Variants in LRRTM4 observed in about 807,000 individuals in gnomAD.
LRRTM4 encodes leucine-rich repeat transmembrane neuronal protein 4.
In LRRTM4, 25 loss-of-function variants were observed where a neutral mutation model predicts 47.6. The ratio of observed to expected loss-of-function variants is 0.53; its 90% CI spans 0.38 to 0.73. The LOEUF (loss-of-function observed/expected upper bound fraction) is 0.73. Among genes scored for constraint, LRRTM4 ranks in the 30% least tolerant of loss-of-function variants. The pLI, the probability that LRRTM4 is intolerant of heterozygous loss-of-function variation, is 0.00. For missense variants in LRRTM4, 638 were observed against 713.4 expected (o/e 0.89, Z 1.20); for synonymous variants, 311 against 269.5 (o/e 1.15, Z -1.51).
intron 3 of LRRTM4, among the ~76,000 whole-genome samples, chr2:76,798,151 T>G (rs1036392301): frequency 6.6e-6 from 1 of 152,082 alleles, no homozygotes; most frequent in Non-Finnish European, 1.5e-5. Context: ...ATATACATTT[T>G]TTTCAGCACC....
intron 3 of LRRTM4, among the ~76,000 whole-genome samples, chr2:76,929,154 C>A (rs1025939103): frequency 6.6e-6 from 1 of 152,066 alleles, no homozygotes; most frequent in African/African-American, 2.4e-5. Flanking sequence ...AGCTCTGGAG[C>A]GCTTCAAGGA....
chr2:77,151,091 G>A (rs979534709), intron 3 of LRRTM4, among the ~76,000 whole-genome samples: 1 of 151,852 alleles, frequency 6.6e-6, no homozygotes. Flanking sequence ...CCACAATCAA[G>A]GTAATAGACT....
intron 3 of LRRTM4, among the ~76,000 whole-genome samples, chr2:77,014,503 C>CATATATATATATATATTATATATAT (rs71381251): frequency 7.2e-6 from 1 of 139,058 alleles, no homozygotes; most frequent in Admixed American, 7.7e-5. Context: ...TGTGCCCTTT[C>CATATATATATATATATTATATATAT]ATATATATAT....
At chr2:76,918,070 T>C (rs1475570444) in intron 3 of LRRTM4, among the ~76,000 whole-genome samples, 1 of 152,198 alleles carries the variant, frequency 6.6e-6, no homozygotes, top group Non-Finnish European at 1.5e-5. Context: ...TTTAAGGTAG[T>C]AGTTGCTTTT....
At chr2:76,817,284 G>C (rs958737960) in intron 3 of LRRTM4, among the ~76,000 whole-genome samples, 2 of 151,636 alleles carry the variant, frequency 1.3e-5, no homozygotes, top group African/African-American at 4.9e-5. Flanking sequence ...GATATGTCAT[G>C]GGTAATATGA....
chr2:77,166,487 C>T lies in LRRTM4; in HGVS notation c.1551+351831G>A, dbSNP rs144523425. On this transcript the variant is annotated intron_variant, in intron 3 of 3. Coordinates refer to ENST00000409884, the MANE Select transcript of LRRTM4 (RefSeq NM_001134745.3). The stretch of plus-strand genomic sequence containing the variant: ...GTTCATATGGAAGCAAAAAAGAGCC[C>T]GCATTGCCAAGACAATACTAAGCCA... Among the ~76,000 whole-genome samples, 405 of 152,152 alleles carry T rather than the reference C, an allele frequency of 2.7e-3. 2 individuals are homozygous for T. The highest frequency in any genetic ancestry group is 8.8e-3 in the African/African-American group (364 of 41,512).
rs1314274489 is a variant in LRRTM4 at position 76,907,778 on chromosome 2, C to T, written c.1552-158862G>A. Among the ~76,000 whole-genome samples, 47 of 131,414 alleles carry T rather than the reference C, an allele frequency of 3.6e-4. 4 individuals are homozygous for T. The highest frequency in any genetic ancestry group is 3.4e-3 in the Admixed American group (43 of 12,598). The allele number at this position is 131,414 out of a possible 152,430, so 86.2% of individuals were successfully genotyped here. ...TAAATTCCTCGACACATACACTCTC[C>T]CAAGACTAAACCAGGAAGAAGTTGA... On this transcript the variant is annotated intron_variant, in intron 3 of 3. Transcript: ENST00000409884.
intron 3 of LRRTM4, among the ~76,000 whole-genome samples, chr2:76,853,017 A>C (rs549782563): frequency 1.3e-5 from 2 of 152,264 alleles, no homozygotes; most frequent in South Asian, 2.1e-4. Flanking sequence ...TGTGTACTAG[A>C]GCAGGTAGAA....
intron 3 of LRRTM4, among the ~76,000 whole-genome samples, chr2:77,233,504 A>G (rs1675022388): frequency 6.6e-6 from 1 of 152,028 alleles, no homozygotes; most frequent in Non-Finnish European, 1.5e-5. Flanking sequence ...TATTATTTTG[A>G]TGTTTTTATT....
At chr2:76,835,636 A>T (rs1671487388) in intron 3 of LRRTM4, among the ~76,000 whole-genome samples, 1 of 152,084 alleles carries the variant, frequency 6.6e-6, no homozygotes, top group African/African-American at 2.4e-5. Flanking sequence ...TGTTTTCCTG[A>T]AAGAAAGCTC....
chr2:77,513,049 A>G (rs1464923163), intron 3 of LRRTM4, among the ~76,000 whole-genome samples: 1 of 152,204 alleles, frequency 6.6e-6, no homozygotes, highest in Admixed American at 6.6e-5. Flanking sequence ...AATTCAGACA[A>G]TCGATTTTTT....
intron 3 of LRRTM4, among the ~76,000 whole-genome samples, chr2:77,179,235 A>T (rs1673283180): frequency 1.3e-5 from 2 of 152,198 alleles, no homozygotes; most frequent in Admixed American, 1.3e-4. Context: ...TTACTATTTT[A>T]TAAGCAGAAT....
At chr2:77,025,449 T>TGGGC (rs1678422155) in intron 3 of LRRTM4, among the ~76,000 whole-genome samples, 1 of 152,154 alleles carries the variant, frequency 6.6e-6, no homozygotes, top group African/African-American at 2.4e-5. Context: ...GGTGGGTGGG[T>TGGGC]GGGCATTAAC....
At chr2:77,182,955 A>G (rs958847856) in intron 3 of LRRTM4, among the ~76,000 whole-genome samples, 1 of 152,360 alleles carries the variant, frequency 6.6e-6, no homozygotes, top group South Asian at 2.1e-4. Flanking sequence ...AAAGACTTAC[A>G]TGTTAGACCT....
intron 3 of LRRTM4, among the ~76,000 whole-genome samples, chr2:77,079,069 C>G (rs1680442598): frequency 6.6e-6 from 1 of 152,166 alleles, no homozygotes; most frequent in South Asian, 2.1e-4. Flanking sequence ...CTTTCTAATA[C>G]CATCACATTG....
intron 3 of LRRTM4, among the ~76,000 whole-genome samples, chr2:77,394,273 G>A (rs1187166331): frequency 6.6e-6 from 1 of 151,842 alleles, no homozygotes; most frequent in East Asian, 1.9e-4. Context: ...AGGTTTTAAT[G>A]CAGGAAAAGA....
chr2:76,801,646 CTAAAACTTAAAG>C (rs1236785462), intron 3 of LRRTM4, among the ~76,000 whole-genome samples: 2 of 151,740 alleles, frequency 1.3e-5, no homozygotes, highest in Admixed American at 6.6e-5. Flanking sequence ...CACATGTACC[CTAAAACTTAAAG>C]TATAATAAAA....
intron 3 of LRRTM4, among the ~76,000 whole-genome samples, chr2:76,802,325 A>G (rs1191741138): frequency 3.3e-5 from 5 of 152,092 alleles, no homozygotes; most frequent in African/African-American, 4.8e-5. Flanking sequence ...ATTTATATAT[A>G]CTAACAACAA....
chr2:77,234,938 T>C (rs1055666380), intron 3 of LRRTM4, among the ~76,000 whole-genome samples: 3 of 152,146 alleles, frequency 2.0e-5, no homozygotes, highest in African/African-American at 7.2e-5. Flanking sequence ...TACATCTGCT[T>C]GTATCCAATG....
Sources: allele counts gnomAD v4.1 joint callset (sites outside exome capture counted in the v4.1 genomes callset), GRCh38; gene constraint gnomAD v4.1.1; transcripts MANE v1.5; gene names NCBI Gene and HGNC (gene_info 2026-07-23, HGNC 2026-07-21).